Variants in GSE1 observed in about 807,000 individuals in gnomAD.
The protein encoded by GSE1 is Gse1 coiled-coil protein.
A neutral mutation model predicts 112.6 loss-of-function variants in GSE1; 32 were observed. That is an observed-to-expected ratio of 0.28 (90% CI 0.21 to 0.38). The LOEUF is 0.38. Among genes scored for constraint, GSE1 ranks in the 10% least tolerant of loss-of-function variants. The probability of loss-of-function intolerance (pLI) is 1.00; values close to 1 mark genes in which losing one functional copy is unlikely to be tolerated. For synonymous variants in GSE1, 1,115 were observed against 735.6 expected (o/e 1.52, Z -8.35); for missense variants, 2,348 against 1,699.2 (o/e 1.38, Z -6.71).
chr16:85,646,862 C>T (rs1167024944), intron 2 of GSE1, among the ~76,000 whole-genome samples: 2 of 146,206 alleles, frequency 1.4e-5, no homozygotes, highest in South Asian at 2.3e-4. Context: ...CTGCTCTGGT[C>T]TCGGTCACGG....
chr16:85,455,832 A>T (rs1165533386), intron 2 of GSE1, among the ~76,000 whole-genome samples: 1 of 152,132 alleles, frequency 6.6e-6, no homozygotes, highest in Non-Finnish European at 1.5e-5. Flanking sequence ...CTCCACTCTC[A>T]CGCCTGCATG....
intron 1 of GSE1, among the ~76,000 whole-genome samples, chr16:85,298,137 C>T (rs1487120363): frequency 6.6e-6 from 1 of 152,182 alleles, no homozygotes; most frequent in African/African-American, 2.4e-5. Context: ...ATTAGAAAAG[C>T]GGATTCGAAT....
chr16:85,384,913 T>C (rs970957285), intron 2 of GSE1, among the ~76,000 whole-genome samples: 4 of 152,178 alleles, frequency 2.6e-5, no homozygotes, highest in Admixed American at 6.5e-5. Context: ...GCCAAGCAGG[T>C]AGGAGATCCG....
chr16:85,441,982 T>G (rs2049386537), intron 2 of GSE1, among the ~76,000 whole-genome samples: 1 of 152,232 alleles, frequency 6.6e-6, no homozygotes, highest in Non-Finnish European at 1.5e-5. Context: ...GTGCTGTGGC[T>G]TCTAGCGGCC....
intron 1 of GSE1, among the ~76,000 whole-genome samples, chr16:85,336,278 C>T (rs113113760): frequency 0.01 from 1,534 of 152,288 alleles, 15 homozygotes; most frequent in Non-Finnish European, 0.017. Context: ...AGCCTTTGTT[C>T]GTTCCCTTGA....
At chr16:85,241,346 G>C (rs1905153934) in intron 1 of GSE1, among the ~76,000 whole-genome samples, 1 of 152,242 alleles carries the variant, frequency 6.6e-6, no homozygotes, top group Non-Finnish European at 1.5e-5. Flanking sequence ...CCCCCTGAGG[G>C]TGTGCTTCCC....
intron 2 of GSE1, among the ~76,000 whole-genome samples, chr16:85,481,135 C>G (rs2050669543): frequency 6.6e-6 from 1 of 152,258 alleles, no homozygotes; most frequent in South Asian, 2.1e-4. Context: ...TCTCTCCCCA[C>G]CCGGTCCATC....
chr16:85,286,660 G>A (rs1353781046), intron 1 of GSE1, among the ~76,000 whole-genome samples: 3 of 152,138 alleles, frequency 2.0e-5, no homozygotes, highest in Admixed American at 6.5e-5. Context: ...TGCGGTTTAC[G>A]CATCTATTAG....
chr16:85,277,241 G>C (rs541486049), intron 1 of GSE1, among the ~76,000 whole-genome samples: 2 of 152,290 alleles, frequency 1.3e-5, no homozygotes, highest in East Asian at 3.9e-4. Flanking sequence ...AGGAGGGAAG[G>C]AGATTTCCTT....
At chr16:85,557,038 G>A (rs1181925387) in intron 1 of GSE1, among the ~76,000 whole-genome samples, 10 of 152,146 alleles carry the variant, frequency 6.6e-5, no homozygotes, top group African/African-American at 1.9e-4. Context: ...GGAGGGGAGG[G>A]GAGGGGGTTG....
chr16:85,478,825 G>C (rs1349802434), intron 2 of GSE1, among the ~76,000 whole-genome samples: 1 of 147,510 alleles, frequency 6.8e-6, no homozygotes, highest in Non-Finnish European at 1.5e-5. Flanking sequence ...GCACCACCAT[G>C]CCCCGCTCAT....
chr16:85,610,853 C>G (rs999691612), upstream of GSE1, among the ~76,000 whole-genome samples: 8 of 152,346 alleles, frequency 5.3e-5, no homozygotes, highest in African/African-American at 1.9e-4. Context: ...TGAAACGGGA[C>G]CAGACCACCC....
At chr16:85,646,814 A>C (rs1485265370) in intron 2 of GSE1, among the ~76,000 whole-genome samples, 1 of 148,328 alleles carries the variant, frequency 6.7e-6, no homozygotes, top group African/African-American at 2.5e-5. Context: ...CTGGAACCCC[A>C]GGCCCAGGCC....
At chr16:85,607,746 G>A (rs1351656928), upstream of GSE1, among the ~76,000 whole-genome samples, 2 of 152,218 alleles carry the variant, frequency 1.3e-5, no homozygotes, top group African/African-American at 4.8e-5. Context: ...TCTCCCTCCA[G>A]CCTTTATCCA....
intron 1 of GSE1, among the ~76,000 whole-genome samples, chr16:85,605,056 A>C (rs1219616533): frequency 6.7e-6 from 1 of 149,998 alleles, no homozygotes; most frequent in Non-Finnish European, 1.5e-5. Context: ...TGACCTTGTG[A>C]TCCGTCCGCC....
intron 2 of GSE1, among the ~76,000 whole-genome samples, chr16:85,428,454 C>T (rs917832459): frequency 6.6e-6 from 1 of 152,238 alleles, no homozygotes; most frequent in African/African-American, 2.4e-5. Flanking sequence ...CAAGCCTCAG[C>T]TTGCTTAGCT....
intron 1 of GSE1, among the ~76,000 whole-genome samples, chr16:85,325,145 T>A (rs966605194): frequency 6.6e-6 from 1 of 152,056 alleles, no homozygotes; most frequent in Non-Finnish European, 1.5e-5. Context: ...CTTTTTAAAA[T>A]CGTTCATAGA....
At chr16:85,418,553 C>G (rs543432204) in intron 2 of GSE1, among the ~76,000 whole-genome samples, 1 of 152,234 alleles carries the variant, frequency 6.6e-6, no homozygotes. Context: ...CACAGGCCAG[C>G]AGCCTTCCTG....
chr16:85,344,039 G>A (rs2046680799), intron 1 of GSE1, among the ~76,000 whole-genome samples: 2 of 152,120 alleles, frequency 1.3e-5, no homozygotes, highest in African/African-American at 2.4e-5. Context: ...ACTCAGATAC[G>A]TCTCCTTCAG....
Sources: gnomAD v4.1 joint callset for allele counts (sites outside exome capture counted in the v4.1 genomes callset) on GRCh38, gnomAD v4.1.1 for gene constraint, MANE v1.5 for transcripts, NCBI Gene and HGNC (gene_info 2026-07-23, HGNC 2026-07-21) for gene names.